Variants in EPHA6 observed in about 807,000 individuals in gnomAD.
EPHA6 encodes the protein ephrin type-A receptor 6.
Under a neutral mutation model 112.0 loss-of-function variants are expected in EPHA6, and 50 were observed. That is an observed-to-expected ratio of 0.45 (90% CI 0.36 to 0.56). The LOEUF is 0.56. Among genes scored for constraint, EPHA6 ranks in the 20% least tolerant of loss-of-function variants. EPHA6 has a pLI of 0.00. For missense variants in EPHA6, 1,280 were observed against 1,417.4 expected (o/e 0.90, Z 1.56); for synonymous variants, 529 against 490.7 (o/e 1.08, Z -1.03).
rs1000470587 is a variant in EPHA6, at chr3:97,212,852, T to A, written c.1115-13412T>A. Among the ~76,000 whole-genome samples the A allele has an allele frequency of 2.0e-5, 3 of 152,214 alleles. No individual in the cohort carries two copies. In the East Asian group the frequency reaches 5.8e-4, roughly 29 times the overall value. The stretch of plus-strand genomic sequence containing the variant: ...TTCAGGAATATGGTGTTAGTTTTCC[T>A]GTGTGTGTGTATATAACCCCTGTTT... On this transcript the variant is annotated intron_variant, in intron 3 of 17. Coordinates refer to ENST00000389672, the MANE Select transcript of EPHA6 (RefSeq NM_001080448.3).
intron 3 of EPHA6, among the ~76,000 whole-genome samples, chr3:97,181,363 G>T (rs555502530): frequency 6.6e-5 from 10 of 152,136 alleles, no homozygotes; most frequent in African/African-American, 1.9e-4. Context: ...TCTTATGAAG[G>T]TGTTTTTTCT....
At chr3:97,647,355 CA>C (rs1195728292) in intron 14 of EPHA6, among the ~76,000 whole-genome samples, 1 of 151,984 alleles carries the variant, frequency 6.6e-6, no homozygotes. Flanking sequence ...TGAAAGGCAA[CA>C]AGAGTTGTAG....
At chr3:97,172,130 A>T (rs927018052) in intron 3 of EPHA6, among the ~76,000 whole-genome samples, 4 of 152,046 alleles carry the variant, frequency 2.6e-5, no homozygotes, top group African/African-American at 9.6e-5. Context: ...TGGCATATAT[A>T]GACTGATGTT....
chr3:97,021,880 G>A (rs1182166019), intron 3 of EPHA6, among the ~76,000 whole-genome samples: 1 of 152,080 alleles, frequency 6.6e-6, no homozygotes, highest in Admixed American at 6.6e-5. Context: ...ATCATCACAT[G>A]GTCGATGCCT....
intron 3 of EPHA6, among the ~76,000 whole-genome samples, chr3:97,027,123 A>G (rs970222493): frequency 7.2e-5 from 11 of 152,190 alleles, no homozygotes; most frequent in South Asian, 4.1e-4. Flanking sequence ...AAGGAATGCA[A>G]TTATGTTCTT....
intron 15 of EPHA6, among the ~76,000 whole-genome samples, chr3:97,733,664 C>G (rs2035133364): frequency 6.6e-6 from 1 of 152,046 alleles, no homozygotes; most frequent in Non-Finnish European, 1.5e-5. Context: ...GAAAAAATTA[C>G]AGTACAATGT....
chr3:97,760,768 G>A lies in EPHA6; in HGVS notation c.*12067G>A, dbSNP rs2036144004. 5.5e-6 allele frequency: 1 copy of A among 182,256 alleles called. No homozygotes were observed. Among genetic ancestry groups the A allele is most frequent in the Non-Finnish European group, 1.2e-5 (1 of 85,598 alleles). 11.3% of individuals were successfully genotyped at this position (182,256 alleles called of 1,614,324 possible). On this transcript the variant is annotated 3_prime_UTR_variant, in exon 18 of 18. Transcript: ENST00000389672. ...AGGTTGAGATATTTAATCCCTCATA[G>A]AGCTATATTTGACTAATAAAAAACG...
chr3:97,377,470 G>T (rs2085440242), intron 5 of EPHA6, among the ~76,000 whole-genome samples: 1 of 152,130 alleles, frequency 6.6e-6, no homozygotes, highest in Non-Finnish European at 1.5e-5. Flanking sequence ...CAGTAGAGTA[G>T]GCTGTTGCTG....
At chr3:96,978,596 C>T (rs1484228800) in intron 2 of EPHA6, among the ~76,000 whole-genome samples, 1 of 151,536 alleles carries the variant, frequency 6.6e-6, no homozygotes, top group East Asian at 1.9e-4. Flanking sequence ...TGAAATTTAC[C>T]AATTATGTCT....
chr3:97,491,538 C>A (rs1303641390), intron 10 of EPHA6, among the ~76,000 whole-genome samples: 1 of 151,302 alleles, frequency 6.6e-6, no homozygotes, highest in Non-Finnish European at 1.5e-5. Flanking sequence ...CTCCCACTTT[C>A]TTATACCTGT....
intron 5 of EPHA6, among the ~76,000 whole-genome samples, chr3:97,331,059 G>T (rs1465830959): frequency 6.6e-6 from 1 of 152,166 alleles, no homozygotes; most frequent in Non-Finnish European, 1.5e-5. Context: ...TCAGACCACA[G>T]TGCAATCAAA....
rs1032301169 is a variant in EPHA6, at chr3:96,862,744, A to G, written c.386-4081A>G. ...ATTTACTGAAATGATGTAGATAAAG[A>G]CTTGATAAAATATTTAAAGGCAAGA... is the stretch of plus-strand genomic sequence containing the variant. On this transcript the variant is annotated intron_variant, in intron 1 of 17. Coordinates refer to ENST00000389672, the MANE Select transcript of EPHA6 (RefSeq NM_001080448.3). Among the ~76,000 whole-genome samples, 9 of 151,968 alleles carry G rather than the reference A, an allele frequency of 5.9e-5. No individual in the cohort carries two copies. In the East Asian group the frequency reaches 1.5e-3, roughly 26 times the overall value.
intron 1 of EPHA6, among the ~76,000 whole-genome samples, chr3:96,851,549 C>T (rs529313048): frequency 1.1e-4 from 17 of 152,184 alleles, no homozygotes; most frequent in African/African-American, 4.1e-4. Context: ...AACAGTCTTT[C>T]CTGGGAGATA....
chr3:97,550,194 A>G (rs1056739892), intron 11 of EPHA6, among the ~76,000 whole-genome samples: 7 of 152,170 alleles, frequency 4.6e-5, no homozygotes, highest in Non-Finnish European at 7.4e-5. Flanking sequence ...CTAAAAATCA[A>G]AACATTTTAT....
At chr3:97,570,084 T>C (rs554980497) in intron 11 of EPHA6, 5 of 152,366 alleles carry the variant, frequency 3.3e-5, no homozygotes, top group Non-Finnish European at 7.3e-5. Context: ...GCCCTAAGAA[T>C]ATTTATTTTT....
chr3:97,539,890 A>G (rs563239312), intron 11 of EPHA6, among the ~76,000 whole-genome samples: 1 of 152,298 alleles, frequency 6.6e-6, no homozygotes, highest in East Asian at 1.9e-4. Context: ...GAAGAATGTG[A>G]AAGAAAGCTG....
chr3:97,703,439 A>C (rs183480506), intron 14 of EPHA6, among the ~76,000 whole-genome samples: 1 of 152,270 alleles, frequency 6.6e-6, no homozygotes, highest in East Asian at 1.9e-4. Flanking sequence ...TTAAAGTTCA[A>C]TTTTGTTTAC....
chr3:97,457,043 G>A (rs989219224), intron 7 of EPHA6, among the ~76,000 whole-genome samples: 2 of 152,100 alleles, frequency 1.3e-5, no homozygotes, highest in African/African-American at 4.8e-5. Flanking sequence ...AACATCAAGG[G>A]CAAAGTGAAG....
At chr3:97,264,545 G>T (rs2079608358) in intron 5 of EPHA6, among the ~76,000 whole-genome samples, 1 of 152,182 alleles carries the variant, frequency 6.6e-6, no homozygotes, top group Non-Finnish European at 1.5e-5. Flanking sequence ...GAGCTCCCAG[G>T]TCTGGACTCC....
Sources: gnomAD v4.1 joint callset for allele counts (sites outside exome capture counted in the v4.1 genomes callset) on GRCh38, gnomAD v4.1.1 for gene constraint, MANE v1.5 for transcripts, NCBI Gene and HGNC (gene_info 2026-07-23, HGNC 2026-07-21) for gene names.